The following MPDU1 variants were observed in gnomAD, a reference collection of about 807,000 sequenced individuals.
MPDU1 encodes the protein mannose-P-dolichol utilization defect 1, also known as mannose-P-dolichol utilization defect 1 protein.
A neutral mutation model predicts 27.6 loss-of-function variants in MPDU1; 18 were observed. The ratio of observed to expected loss-of-function variants is 0.65; its 90% CI spans 0.45 to 0.97. MPDU1 has a LOEUF of 0.97. Ranked by LOEUF, MPDU1 falls within the 50% of genes least tolerant of loss-of-function variation. MPDU1 has a pLI of 0.00. For missense variants in MPDU1, 279 were observed against 297.4 expected (o/e 0.94, Z 0.46); for synonymous variants, 142 against 131.1 (o/e 1.08, Z -0.57).
Position 7,587,021 on chromosome 17 carries a change from G to A in MPDU1, c.507+4G>A. 1 of 1,600,992 alleles carries A rather than the reference G, an allele frequency of 6.2e-7. No individual in the cohort carries two copies. The highest frequency in any genetic ancestry group is 8.5e-7 in the Non-Finnish European group (1 of 1,172,270). On this transcript the variant is annotated splice_donor_region_variant and intron_variant, in intron 5 of 6. Coordinates refer to ENST00000250124, the MANE Select transcript of MPDU1 (RefSeq NM_004870.4). Reference sequence around the variant, plus strand: ...GCCTGCTGTGGTGGTGGGGAGGGTGGGTACCAGGAGCAAGGGACAAGATGT... The same window carrying A: ...GCCTGCTGTGGTGGTGGGGAGGGTGAGTACCAGGAGCAAGGGACAAGATGT...
chr17:7,584,532 A>C (rs2071548074), intron 1 of MPDU1, among the ~76,000 whole-genome samples: 1 of 152,180 alleles, frequency 6.6e-6, no homozygotes, highest in Non-Finnish European at 1.5e-5. Flanking sequence ...ACTTTGTTTT[A>C]GCCGCATTCA....
rs1179554718 is a variant in MPDU1 at position 7,587,824 on chromosome 17, C to T, written c.*273C>T. Reference sequence around the variant, plus strand: ...ATGTACTATTAATTCAGTCATTCAGCCAAGCCTCCTCCTCTAGCAGCAATT... The same window carrying T: ...ATGTACTATTAATTCAGTCATTCAGTCAAGCCTCCTCCTCTAGCAGCAATT... On this transcript the variant is annotated 3_prime_UTR_variant, in exon 7 of 7. Coordinates refer to ENST00000250124, the MANE Select transcript of MPDU1 (RefSeq NM_004870.4). 2.3e-5 allele frequency: 13 copies of T among 566,856 alleles called. No homozygotes were observed. Among genetic ancestry groups the T allele is most frequent in the Non-Finnish European group, 4.0e-5 (12 of 300,054 alleles). 35.1% of individuals were successfully genotyped at this position (566,856 alleles called of 1,614,324 possible).
chr17:7,584,239 A>G, intron 1 of MPDU1: 1 of 597,120 alleles, frequency 1.7e-6, no homozygotes, highest in South Asian at 2.0e-5. Context: ...AAAACAAAAT[A>G]AAAATTAAGT....
rs749351998 is a variant in MPDU1 at position 7,587,488 on chromosome 17, C to T, written c.681C>T (p.Ile227=). ...TCTCCTCTCTCTGCAACGGCCTCATCGCCGCCCAGCTGCTCTTCTACTGGA... is the reference window on the plus strand; with the variant it reads ...TCTCCTCTCTCTGCAACGGCCTCATTGCCGCCCAGCTGCTCTTCTACTGGA... ...FVVSSLCNGL[I]AAQLLFYWNA... The change falls in exon 7 of 7, where the codon ATC becomes ATT. Residue 227 remains isoleucine, a synonymous_variant. Transcript: ENST00000250124. The T allele has an allele frequency of 3.7e-6, 6 of 1,613,694 alleles. No individual in the cohort carries two copies. The highest frequency in any genetic ancestry group is 1.6e-4 in the Middle Eastern group (1 of 6,062).
Position 7,583,894 on chromosome 17 carries a change from G to C in MPDU1, c.32G>C (p.Arg11Pro). 3 of 1,614,174 alleles carry C rather than the reference G, an allele frequency of 1.9e-6. No individual in the cohort carries two copies. The highest frequency in any genetic ancestry group is 2.5e-6 in the Non-Finnish European group (3 of 1,180,044). The change falls in exon 1 of 7, where the codon CGG becomes CCG. Residue 11 changes from arginine (R) to proline (P), a missense_variant. By Grantham distance (103) the Arg-to-Pro change is moderately radical. Coordinates refer to ENST00000250124, the MANE Select transcript of MPDU1 (RefSeq NM_004870.4). MAAEADGPLK[R>P]LLVPILLPEK... is the part of the protein sequence containing the mutation. ...GCCGAGGCGGACGGACCGCTTAAAC[G>C]GCTGCTCGTGCCGATTCTTTTACCT...
At chr17:7,584,679 AC>A (rs2071550893) in intron 1 of MPDU1, among the ~76,000 whole-genome samples, 1 of 152,190 alleles carries the variant, frequency 6.6e-6, no homozygotes, top group Admixed American at 6.5e-5. Flanking sequence ...GGGGCCAGGG[AC>A]AGTCAGAGTG....
chr17:7,585,652 G>T, intron 1 of MPDU1, 80 bp from the exon 2 acceptor site: 1 of 1,394,418 alleles, frequency 7.2e-7, no homozygotes, highest in South Asian at 1.2e-5. Flanking sequence ...AAGGGGGCTC[G>T]GGGAGAGCCC....
chr17:7,585,895 A>C, intron 2 of MPDU1, 51 bp from the exon 3 acceptor site: 1 of 1,613,780 alleles, frequency 6.2e-7, no homozygotes, highest in Non-Finnish European at 8.5e-7. Flanking sequence ...GTTGTGTTGC[A>C]TCCCAAAGAA....
chr17:7,584,056 G>A (rs1407394565), intron 1 of MPDU1, 91 bp downstream of exon 1: 8 of 1,276,260 alleles, frequency 6.3e-6, no homozygotes, highest in African/African-American at 2.9e-5. Context: ...TGACGGCAGT[G>A]ACTGCCGCCA....
rs1047002917 is a variant in MPDU1, at chr17:7,587,745, TAG to T, written c.*197_*198del. On this transcript the variant is annotated 3_prime_UTR_variant, in exon 7 of 7. Transcript: ENST00000250124. ...TCCTTAGAAAAGGAGAGGATGGGGG[TAG>T]AGTCTCCCAAGCCAAAATTTTGACA... The T allele has an allele frequency of 6.9e-6, 6 of 870,034 alleles. No individual in the cohort carries two copies. In the African/African-American group the frequency reaches 1.0e-4, roughly 15 times the overall value. 53.9% of individuals were successfully genotyped at this position (870,034 alleles called of 1,614,324 possible). A position where few individuals can be genotyped will look rare whatever the true frequency, so the allele number is the denominator to read the frequency against.
rs1167768691 is a variant in MPDU1 at position 7,586,515 on chromosome 17, G to C, written c.303-177G>C. 3 of 695,552 alleles carry C rather than the reference G, an allele frequency of 4.3e-6. No individual in the cohort carries two copies. The African/African-American group carries it at 5.3e-5, about 12-fold the overall frequency. 43.1% of individuals were successfully genotyped at this position (695,552 alleles called of 1,614,324 possible). On this transcript the variant is annotated intron_variant, in intron 3 of 6. Coordinates refer to ENST00000250124, the MANE Select transcript of MPDU1 (RefSeq NM_004870.4). ...AAACCTAATCATCACCAGTGGAGGTGATCTTGAGAAGGGGTGAGCATCCCG... is the reference window on the plus strand; with the variant it reads ...AAACCTAATCATCACCAGTGGAGGTCATCTTGAGAAGGGGTGAGCATCCCG...
In MPDU1 at chr17:7,586,004, C is replaced by T. The variant is rs1187446500; in HGVS notation, c.228C>T (p.Leu76=). The change falls in exon 3 of 7, where the codon CTC becomes CTT. Residue 76 remains leucine (L), a synonymous_variant. Transcript: ENST00000250124. ...CCAAGAGTGCTGAAGGGTTGAGTCTCCAGTCTGTAATGCTGGAGCTAGTGG... is the reference window on the plus strand; with the variant it reads ...CCAAGAGTGCTGAAGGGTTGAGTCTTCAGTCTGTAATGCTGGAGCTAGTGG... ...LGAKSAEGLS[L]QSVMLELVAL... 3 of 1,614,196 alleles carry T rather than the reference C, an allele frequency of 1.9e-6. No individual in the cohort carries two copies. Among genetic ancestry groups the T allele is most frequent in the East Asian group, 2.2e-5 (1 of 44,888 alleles).
At position 7,586,699 on chromosome 17, in the gene MPDU1, G is replaced by T; in HGVS notation, c.310G>T (p.Gly104Cys). ...CAACTCTTGACTCTGCAGCTCTTGGGGTGAAGCCTTATTCCTGATGCTCCA... is the reference window on the plus strand; with the variant it reads ...CAACTCTTGACTCTGCAGCTCTTGGTGTGAAGCCTTATTCCTGATGCTCCA... ...ITNNFPFSSW[G>C]EALFLMLQTI... The change falls in exon 4 of 7, where the codon GGT becomes TGT. Residue 104 changes from glycine to cysteine, a missense_variant. By Grantham distance (159) the Gly-to-Cys change is radical. Coordinates refer to ENST00000250124, the MANE Select transcript of MPDU1 (RefSeq NM_004870.4). The T allele has an allele frequency of 6.2e-7, 1 of 1,614,086 alleles. No individual in the cohort carries two copies. The highest frequency in any genetic ancestry group is 1.1e-5 in the South Asian group (1 of 91,086).
Position 7,588,171 on chromosome 17 carries a change from G to C in MPDU1, c.*620G>C. The C allele has an allele frequency of 1.4e-6, 1 of 701,786 alleles. No individual in the cohort carries two copies. Among genetic ancestry groups the C allele is most frequent in the South Asian group, 1.5e-5 (1 of 67,528 alleles). 43.5% of individuals were successfully genotyped at this position (701,786 alleles called of 1,614,324 possible). On this transcript the variant is annotated 3_prime_UTR_variant, in exon 7 of 7. Coordinates refer to ENST00000250124, the MANE Select transcript of MPDU1 (RefSeq NM_004870.4). ...AACAGATGGGACAATAAAGACTGGA[G>C]ACTCAGTTGAATAATACAAAACTGT...
intron 1 of MPDU1, among the ~76,000 whole-genome samples, chr17:7,585,199 G>A (rs751843239): frequency 1.6e-4 from 24 of 152,086 alleles, no homozygotes; most frequent in Non-Finnish European, 3.4e-4. Flanking sequence ...TGGAAGATTG[G>A]ATGTGGGGGG....
chr17:7,587,665 G>GAGGA lies in MPDU1; in HGVS notation c.*115_*116insGGAA. The GAGGA allele has an allele frequency of 7.0e-7, 1 of 1,438,818 alleles. No individual in the cohort carries two copies. The highest frequency in any genetic ancestry group is 9.7e-7 in the Non-Finnish European group (1 of 1,029,558). 89.1% of individuals were successfully genotyped at this position (1,438,818 alleles called of 1,614,324 possible). ...CATCCTCCATTCCTCTGCACTTGCA[G>GAGGA]ACTTTCTGAGCCAGGGTTTTCTTTT... On this transcript the variant is annotated 3_prime_UTR_variant, in exon 7 of 7. Transcript: ENST00000250124.
chr17:7,587,620 G>C lies in MPDU1; in HGVS notation c.*69G>C. 1 of 1,605,328 alleles carries C rather than the reference G, an allele frequency of 6.2e-7. No individual in the cohort carries two copies. On this transcript the variant is annotated 3_prime_UTR_variant, in exon 7 of 7. Coordinates refer to ENST00000250124, the MANE Select transcript of MPDU1 (RefSeq NM_004870.4). ...CTCAGGGTTCTCCCCATCTGAGCCA[G>C]CCTGCTGGTGTGACTTACTCATCCT...
At position 7,584,019 on chromosome 17, in the gene MPDU1, T is replaced by A. The variant is rs771331923; in HGVS notation, c.103+54T>A. 11 of 1,546,810 alleles carry A rather than the reference T, an allele frequency of 7.1e-6. No individual in the cohort carries two copies. In the Middle Eastern group the frequency reaches 5.0e-4, roughly 71 times the overall value. On this transcript the variant is annotated intron_variant, in intron 1 of 6. Transcript: ENST00000250124. ...TCCTACTCGAGTGACCGTGGGCCCT[T>A]AGTCCAAGCCTTGATCGGCGACTAA...
chr17:7,584,024 C>A (rs1189572825), intron 1 of MPDU1, 59 bp downstream of exon 1: 1 of 1,530,926 alleles, frequency 6.5e-7, no homozygotes, highest in Non-Finnish European at 9.0e-7. Flanking sequence ...GCCCTTAGTC[C>A]AAGCCTTGAT....
Sources: allele counts gnomAD v4.1 joint callset (sites outside exome capture counted in the v4.1 genomes callset), GRCh38; gene constraint gnomAD v4.1.1; transcripts MANE v1.5; gene names NCBI Gene and HGNC (gene_info 2026-07-23, HGNC 2026-07-21).